Variants in PCDHGA9 observed in about 807,000 individuals in gnomAD.
PCDHGA9 encodes protocadherin gamma subfamily A, 9.
Under a neutral mutation model 62.5 loss-of-function variants are expected in PCDHGA9, and 37 were observed. The observed-to-expected ratio is 0.59, with a 90% CI of 0.46 to 0.78. The LOEUF is 0.78. PCDHGA9 is among the 30% of genes least tolerant of loss of function. The pLI, the probability that PCDHGA9 is intolerant of heterozygous loss-of-function variation, is 0.00. For missense variants in PCDHGA9, 1,138 were observed against 1,166.2 expected, an observed-to-expected ratio of 0.98 and a Z score of 0.35; for synonymous variants, 459 against 484.6, an observed-to-expected ratio of 0.95 and a Z score of 0.69.
rs767547572 is a variant in PCDHGA9 at position 141,505,495 on chromosome 5, G to C, written c.2572+14G>C. On this transcript the variant is annotated intron_variant, in intron 3 of 3. Coordinates refer to ENST00000573521, the MANE Select transcript of PCDHGA9 (RefSeq NM_018921.3). The stretch of plus-strand genomic sequence containing the variant: ...CGTCCGCCAGTGGTAAGTGGTGTCA[G>C]TGTGTGTATGGAAGAGTGGGAGACC... 5 of 1,614,210 alleles carry C rather than the reference G, an allele frequency of 3.1e-6. No individual in the cohort carries two copies. Among genetic ancestry groups the C allele is most frequent in the Non-Finnish European group, 4.2e-6 (5 of 1,180,000 alleles).
intron 1 of PCDHGA9, chr5:141,414,845 T>C: frequency 1.2e-6 from 2 of 1,614,218 alleles, no homozygotes; most frequent in South Asian, 1.1e-5. Flanking sequence ...CTGTTTGTGC[T>C]GGACCAGAAC....
At chr5:141,461,278 C>T (rs2099012353) in intron 1 of PCDHGA9, among the ~76,000 whole-genome samples, 1 of 152,086 alleles carries the variant, frequency 6.6e-6, no homozygotes, top group South Asian at 2.1e-4. Context: ...GTTCTCTTTT[C>T]CCCACATCCA....
chr5:141,422,670 C>CA (rs754910458), intron 1 of PCDHGA9: 6 of 1,607,126 alleles, frequency 3.7e-6, no homozygotes, highest in Non-Finnish European at 1.7e-6. Flanking sequence ...TCGACCCGGA[C>CA]AGCAAACAGA....
At chr5:141,443,952 A>T (rs1355073040) in intron 1 of PCDHGA9, among the ~76,000 whole-genome samples, 4 of 152,134 alleles carry the variant, frequency 2.6e-5, no homozygotes, top group Non-Finnish European at 4.4e-5. Context: ...CCTTATTGGT[A>T]TGTATTCTGT....
At position 141,486,811 on chromosome 5, in the gene PCDHGA9, C is replaced by A. The variant is rs2099635196; in HGVS notation, c.2425-7996C>A. On this transcript the variant is annotated intron_variant, in intron 1 of 3. Coordinates refer to ENST00000573521, the MANE Select transcript of PCDHGA9 (RefSeq NM_018921.3). The surrounding 1 kb of genome is among the most constrained non-coding windows in gnomAD (Gnocchi z 5.0). ...GGGATCGGGGCAACCCACCCCTTAG[C>A]AGCACTGTAACAGTTCGTCTATTTG... The A allele has an allele frequency of 1.2e-6, 2 of 1,614,124 alleles. No homozygotes were observed. The highest frequency in any genetic ancestry group is 2.2e-5 in the East Asian group (1 of 44,900).
intron 1 of PCDHGA9, among the ~76,000 whole-genome samples, chr5:141,451,630 C>T (rs899343801): frequency 2.0e-5 from 3 of 152,132 alleles, no homozygotes; most frequent in Non-Finnish European, 2.9e-5. Flanking sequence ...ACCTGTAATT[C>T]CAGCACTCTG....
chr5:141,487,656 C>G lies in PCDHGA9; in HGVS notation c.2425-7151C>G. ...GCTCAACAAATGCTTGAGGGTTATT[C>G]TGATCCAGGCATATGGCTAGGCCAT... On this transcript the variant is annotated intron_variant, in intron 1 of 3. Coordinates refer to ENST00000573521, the MANE Select transcript of PCDHGA9 (RefSeq NM_018921.3). The surrounding 1 kb of genome is among the most constrained non-coding windows in gnomAD (Gnocchi z 5.0). 6.2e-7 allele frequency: 1 copy of G among 1,613,658 alleles called. No individual in the cohort carries two copies. Among genetic ancestry groups the G allele is most frequent in the Non-Finnish European group, 8.5e-7 (1 of 1,179,794 alleles).
At chr5:141,414,360 A>G (rs1177384414) in intron 1 of PCDHGA9, 1 of 1,613,800 alleles carries the variant, frequency 6.2e-7, no homozygotes, top group Non-Finnish European at 8.5e-7. Context: ...CGTATCTACC[A>G]TTTAAATTAG....
chr5:141,407,505 T>TTTTTTTTTTTTTTTTTTTTTTTTTTGAG (rs1460306566), intron 1 of PCDHGA9, among the ~76,000 whole-genome samples: 1 of 152,146 alleles, frequency 6.6e-6, no homozygotes, highest in Non-Finnish European at 1.5e-5. Context: ...CTGTTTTTCT[T>TTTTTTTTTTTTTTTTTTTTTTTTTTGAG]AGGCTATGTA....
At chr5:141,414,037 T>C (rs769920301) in intron 1 of PCDHGA9, 2 of 1,611,060 alleles carry the variant, frequency 1.2e-6, no homozygotes, top group Admixed American at 1.7e-5. Context: ...ATTCCGAAAA[T>C]TACCTGACAC....
chr5:141,420,118 T>C (rs2096468123), intron 1 of PCDHGA9: 2 of 1,613,844 alleles, frequency 1.2e-6, no homozygotes, highest in Admixed American at 1.7e-5. Flanking sequence ...ATGCCTATAA[T>C]TTTTGTGTGC....
chr5:141,461,921 T>G (rs2099026403), intron 1 of PCDHGA9, among the ~76,000 whole-genome samples: 1 of 152,222 alleles, frequency 6.6e-6, no homozygotes, highest in Non-Finnish European at 1.5e-5. Flanking sequence ...CCTCCTGGGT[T>G]CCAGCAATTC....
At chr5:141,413,020 C>G in intron 1 of PCDHGA9, 7 of 693,768 alleles carry the variant, frequency 1.0e-5, no homozygotes, top group Non-Finnish European at 1.4e-5. Context: ...CTACACAAGC[C>G]CCACAAACCG....
intron 1 of PCDHGA9, chr5:141,413,820 C>G (rs967941133): frequency 5.6e-6 from 9 of 1,613,086 alleles, no homozygotes; most frequent in South Asian, 1.1e-5. Flanking sequence ...ACCACCTGGT[C>G]CTCACCGCCT....
rs1301787934 is a variant in PCDHGA9 at position 141,476,164 on chromosome 5, A to G, written c.2425-18643A>G. Reference sequence around the variant, plus strand: ...GCGGACTGGTAAGCACCGGGAGGGTAGTGGGAGTTTTGCTTCTGCTTGGTG... The same window carrying G: ...GCGGACTGGTAAGCACCGGGAGGGTGGTGGGAGTTTTGCTTCTGCTTGGTG... On this transcript the variant is annotated intron_variant, in intron 1 of 3. Transcript: ENST00000573521. This position sits in a 1 kb window ranked among gnomAD's most constrained non-coding sequence, Gnocchi z 7.6. 6.2e-7 allele frequency: 1 copy of G among 1,613,116 alleles called. No individual in the cohort carries two copies.
chr5:141,423,233 TC>T, intron 1 of PCDHGA9: 1 of 1,613,860 alleles, frequency 6.2e-7, no homozygotes, highest in Non-Finnish European at 8.5e-7. Flanking sequence ...GCCGACAGCA[TC>T]CCCGAAGTCC....
chr5:141,508,241 T>G (rs1475142426), intron 3 of PCDHGA9: 2 of 152,286 alleles, frequency 1.3e-5, no homozygotes, highest in East Asian at 3.9e-4. Context: ...CTCCTAAGTC[T>G]GCCTCTCCTG....
At chr5:141,414,623 C>T (rs998923536) in intron 1 of PCDHGA9, 2 of 1,613,820 alleles carry the variant, frequency 1.2e-6, no homozygotes, top group African/African-American at 1.3e-5. Flanking sequence ...GCGCTGGACC[C>T]GGACAGCAAA....
chr5:141,506,304 C>A (rs569926873), intron 3 of PCDHGA9, among the ~76,000 whole-genome samples: 3 of 152,078 alleles, frequency 2.0e-5, no homozygotes, highest in Non-Finnish European at 4.4e-5. Context: ...CAAAAATTAG[C>A]TGGGCATGGT....
Sources: allele counts gnomAD v4.1 joint callset (sites outside exome capture counted in the v4.1 genomes callset), GRCh38; gene constraint gnomAD v4.1.1; non-coding constraint Gnocchi (gnomAD v3.1); transcripts MANE v1.5; gene names NCBI Gene and HGNC (gene_info 2026-07-23, HGNC 2026-07-21).